The following LARGE1 variants were observed in gnomAD, a reference collection of about 807,000 sequenced individuals.
LARGE1 encodes LARGE xylosyl- and glucuronyltransferase 1.
In LARGE1, 43 loss-of-function variants were observed where a neutral mutation model predicts 87.6. The ratio of observed to expected loss-of-function variants is 0.49; its 90% CI spans 0.38 to 0.63. The LOEUF is 0.63. LARGE1 is among the 30% of genes least tolerant of loss of function. The pLI, the probability that LARGE1 is intolerant of heterozygous loss-of-function variation, is 0.00. For missense variants in LARGE1, 802 were observed against 1,000.2 expected (o/e 0.80, Z 2.67); for synonymous variants, 434 against 394.6 (o/e 1.10, Z -1.18).
chr22:33,669,925 T>C (rs1313022245), intron 2 of LARGE1, among the ~76,000 whole-genome samples: 1 of 152,232 alleles, frequency 6.6e-6, no homozygotes, highest in East Asian at 1.9e-4. Context: ...GCACTGTTGT[T>C]GGTATTATAA....
intron 2 of LARGE1, among the ~76,000 whole-genome samples, chr22:33,690,387 ATG>A (rs1390327513): frequency 1.3e-5 from 2 of 152,174 alleles, no homozygotes; most frequent in African/African-American, 2.4e-5. Flanking sequence ...AGTAAGTGCT[ATG>A]TGAACGTAAC....
the LARGE1 span, among the ~76,000 whole-genome samples, chr22:33,083,469 T>C: frequency 6.6e-6 from 1 of 152,216 alleles, no homozygotes; most frequent in Non-Finnish European, 1.5e-5. Context: ...TCTTATCTAA[T>C]GTGATTATTT....
At chr22:33,196,678 T>A (rs79744309) in intron 11 of LARGE1, among the ~76,000 whole-genome samples, 4,587 of 150,140 alleles carry the variant, frequency 0.031, 96 homozygotes, top group Admixed American at 0.057. Flanking sequence ...TAAATACTAA[T>A]AAGAATATTA....
At chr22:33,173,234 C>A (rs1369702215) in intron 11 of LARGE1, among the ~76,000 whole-genome samples, 1 of 152,130 alleles carries the variant, frequency 6.6e-6, no homozygotes, top group African/African-American at 2.4e-5. Flanking sequence ...AATTTTCAAC[C>A]CAGAATTTCA....
At chr22:33,375,686 C>T (rs8142296) in intron 9 of LARGE1, among the ~76,000 whole-genome samples, 32,366 of 152,000 alleles carry the variant, frequency 0.21, 4,616 homozygotes, top group African/African-American at 0.39. Context: ...GTAAGTATAA[C>T]CTAAAGTCTG....
At chr22:33,282,006 A>C (rs1930533589) in intron 13 of LARGE1, among the ~76,000 whole-genome samples, 1 of 152,244 alleles carries the variant, frequency 6.6e-6, no homozygotes, top group South Asian at 2.1e-4. Flanking sequence ...GCTTCCAGGA[A>C]GTGTTGGCCA....
chr22:33,548,914 C>T (rs1547070), intron 6 of LARGE1, among the ~76,000 whole-genome samples: 52,564 of 152,080 alleles, frequency 0.35, 10,779 homozygotes, highest in Non-Finnish European at 0.45. Flanking sequence ...TAAGCAGTAA[C>T]GAAGAGAAGC....
the LARGE1 span, among the ~76,000 whole-genome samples, chr22:33,067,057 T>C: frequency 1.3e-3 from 195 of 152,100 alleles, no homozygotes; most frequent in African/African-American, 4.6e-3. Context: ...CCTTGTCACC[T>C]TCTGCTTGGA....
At chr22:33,300,585 G>T (rs2146108541) in intron 12 of LARGE1, among the ~76,000 whole-genome samples, 1 of 152,196 alleles carries the variant, frequency 6.6e-6, no homozygotes, top group East Asian at 1.9e-4. Context: ...TCTGTTGCCA[G>T]GCTGGAGTGC....
At chr22:33,764,114 C>T (rs944953410) in intron 1 of LARGE1, among the ~76,000 whole-genome samples, 3 of 151,992 alleles carry the variant, frequency 2.0e-5, no homozygotes, top group African/African-American at 7.2e-5. Context: ...TCCCAAAGTG[C>T]GGGGATTACA....
At chr22:33,801,720 A>G (rs1406576685) in intron 1 of LARGE1, among the ~76,000 whole-genome samples, 1 of 152,130 alleles carries the variant, frequency 6.6e-6, no homozygotes, top group African/African-American at 2.4e-5. Context: ...CAGTTCATCC[A>G]TTTTGTTTTA....
At chr22:33,727,680 A>C (rs2083311926) in intron 2 of LARGE1, 1 of 152,216 alleles carries the variant, frequency 6.6e-6, no homozygotes, top group South Asian at 2.1e-4. Flanking sequence ...TATCATGTCC[A>C]TCTTATAGAT....
At chr22:33,307,802 C>T (rs1935106919) in intron 11 of LARGE1, among the ~76,000 whole-genome samples, 1 of 151,504 alleles carries the variant, frequency 6.6e-6, no homozygotes, top group African/African-American at 2.4e-5. Context: ...CAGAGTCTCA[C>T]TCTGTTGCCC....
the LARGE1 span, among the ~76,000 whole-genome samples, chr22:33,124,386 G>GGAAGGAAGGAAGGAAGGA: frequency 1.6e-5 from 1 of 61,614 alleles, no homozygotes; most frequent in Non-Finnish European, 3.2e-5. Context: ...GGAAGGAAGG[G>GGAAGGAAGGAAGGAAGGA]AGGAAGGAAA....
chr22:33,108,372 T>A, the LARGE1 span, among the ~76,000 whole-genome samples: 1 of 152,092 alleles, frequency 6.6e-6, no homozygotes, highest in Non-Finnish European at 1.5e-5. Flanking sequence ...CTCAAGTTAG[T>A]GGAGAGCTCT....
At chr22:33,189,153 A>G (rs1923643545) in intron 11 of LARGE1, among the ~76,000 whole-genome samples, 1 of 152,128 alleles carries the variant, frequency 6.6e-6, no homozygotes, top group Non-Finnish European at 1.5e-5. Context: ...GAGTGGGAAT[A>G]TTAACCTTTC....
intron 6 of LARGE1, among the ~76,000 whole-genome samples, chr22:33,559,338 C>G (rs564849962): frequency 3.3e-5 from 5 of 152,180 alleles, no homozygotes; most frequent in African/African-American, 1.2e-4. Context: ...CACACCACCA[C>G]GCCCAGCTAG....
intron 2 of LARGE1, among the ~76,000 whole-genome samples, chr22:33,735,373 G>GGT (rs1601467303): frequency 6.6e-6 from 1 of 152,008 alleles, no homozygotes; most frequent in East Asian, 1.9e-4. Flanking sequence ...GCACTCCCTG[G>GGT]GTGTCCCCCC....
intron 6 of LARGE1, among the ~76,000 whole-genome samples, chr22:33,468,429 C>T (rs963145061): frequency 2.2e-4 from 33 of 152,122 alleles, no homozygotes; most frequent in African/African-American, 8.0e-4. Flanking sequence ...CAGCAAGCTC[C>T]CATCTCCTTT....
Sources: allele counts gnomAD v4.1 joint callset (sites outside exome capture counted in the v4.1 genomes callset), GRCh38; gene constraint gnomAD v4.1.1; transcripts MANE v1.5; gene names NCBI Gene and HGNC (gene_info 2026-07-23, HGNC 2026-07-21).